The following CTNNB1 variants were observed in gnomAD, a reference collection of about 807,000 sequenced individuals.
The protein encoded by CTNNB1 is catenin beta 1.
A neutral mutation model predicts 82.5 loss-of-function variants in CTNNB1; 6 were observed. The observed-to-expected ratio is 0.07, with a 90% confidence interval of 0.04 to 0.14. The LOEUF is 0.14. Ranked by LOEUF, CTNNB1 falls within the 10% of genes least tolerant of loss-of-function variation. The probability of loss-of-function intolerance (pLI) is 1.00; values close to 1 mark genes in which losing one functional copy is unlikely to be tolerated. For missense variants in CTNNB1, 529 were observed against 980.4 expected (o/e 0.54, Z 6.15); for synonymous variants, 312 against 329.7 (o/e 0.95, Z 0.58).
At position 41,239,918 on chromosome 3, in the gene CTNNB1, T is replaced by TA. The variant is rs150512515; in HGVS notation, c.*579dup. 1,721 of 173,806 alleles carry TA rather than the reference T, an allele frequency of 9.9e-3. 8 individuals are homozygous for TA. The highest frequency in any genetic ancestry group is 0.014 in the Middle Eastern group (7 of 508). The allele number at this position is 173,806 out of a possible 1,614,324, so 10.8% of individuals were successfully genotyped here. On this transcript the variant is annotated 3_prime_UTR_variant, in exon 15 of 15. Transcript: ENST00000349496. ...TTTATCAAACCCTAGCCTTGCTTGT[T>TA]AAATTTTTTTTTTTTTTTTTTTAAG...
intron 10 of CTNNB1, chr3:41,235,522 G>T: frequency 1.5e-6 from 1 of 650,660 alleles, no homozygotes; most frequent in Admixed American, 2.2e-5. Flanking sequence ...GTGTATGGGG[G>T]AGGGGTGCTG....
chr3:41,238,588 A>C (rs769424043), intron 14 of CTNNB1: 16 of 194,178 alleles, frequency 8.2e-5, no homozygotes, highest in Admixed American at 8.0e-4. Flanking sequence ...CTACCTAATT[A>C]TGAAACCACT....
At chr3:41,233,943 A>G (rs766698957) in intron 9 of CTNNB1, 76 bp downstream of exon 9, 3 of 1,497,490 alleles carry the variant, frequency 2.0e-6, no homozygotes, top group East Asian at 4.5e-5. Context: ...ATGGCTGTCT[A>G]AGCATAGTGA....
At chr3:41,226,517 T>C (rs2078179617) in intron 6 of CTNNB1, among the ~76,000 whole-genome samples, 1 of 152,082 alleles carries the variant, frequency 6.6e-6, no homozygotes, top group Admixed American at 6.5e-5. Context: ...AACAACATCT[T>C]TGAAACGAAG....
chr3:41,201,142 A>G (rs954931979), intron 1 of CTNNB1, among the ~76,000 whole-genome samples: 1 of 152,198 alleles, frequency 6.6e-6, no homozygotes, highest in Admixed American at 6.5e-5. Flanking sequence ...TGGTGAACGA[A>G]CATTCAATAC....
At chr3:41,232,886 A>G (rs1329879933) in intron 7 of CTNNB1, among the ~76,000 whole-genome samples, 2 of 152,138 alleles carry the variant, frequency 1.3e-5, no homozygotes, top group African/African-American at 4.8e-5. Flanking sequence ...ATCATCTGAC[A>G]TACTGTATGG....
intron 1 of CTNNB1, among the ~76,000 whole-genome samples, chr3:41,203,181 C>G (rs1295576755): frequency 6.6e-6 from 1 of 151,514 alleles, no homozygotes; most frequent in Non-Finnish European, 1.5e-5. Context: ...GTTGAGTGCC[C>G]TCCAGTGGAT....
intron 14 of CTNNB1, among the ~76,000 whole-genome samples, chr3:41,238,805 C>T (rs542532016): frequency 6.6e-6 from 1 of 152,290 alleles, no homozygotes; most frequent in South Asian, 2.1e-4. Context: ...ACAGTAGATT[C>T]CTGCTTCTTC....
chr3:41,235,941 T>C (rs1196131411), intron 11 of CTNNB1, 98 bp downstream of exon 11: 5 of 1,381,722 alleles, frequency 3.6e-6, no homozygotes, highest in Non-Finnish European at 5.1e-6. Flanking sequence ...ATAATAGGGT[T>C]ACCAACATTT....
At chr3:41,211,722 C>A (rs2077791100) in intron 1 of CTNNB1, among the ~76,000 whole-genome samples, 1 of 152,162 alleles carries the variant, frequency 6.6e-6, no homozygotes, top group African/African-American at 2.4e-5. Flanking sequence ...TTATAGGCTG[C>A]ATCATATTCC....
intron 1 of CTNNB1, among the ~76,000 whole-genome samples, chr3:41,218,713 A>G (rs963004994): frequency 4.6e-5 from 7 of 152,134 alleles, no homozygotes; most frequent in Middle Eastern, 3.2e-3. Context: ...CAATTTTTAA[A>G]TAAGTTTTAA....
intron 1 of CTNNB1, among the ~76,000 whole-genome samples, chr3:41,204,425 T>A (rs1221669117): frequency 1.3e-5 from 2 of 152,230 alleles, no homozygotes; most frequent in Non-Finnish European, 1.5e-5. Flanking sequence ...CAAGATATGT[T>A]ACTAAGAATA....
chr3:41,205,780 A>T (rs904754536), intron 1 of CTNNB1, among the ~76,000 whole-genome samples: 1 of 152,200 alleles, frequency 6.6e-6, no homozygotes, highest in Non-Finnish European at 1.5e-5. Flanking sequence ...TCATCTGAAA[A>T]TAATGCTGTA....
At chr3:41,236,760 G>T in intron 13 of CTNNB1, 51 bp downstream of exon 13, 1 of 1,612,024 alleles carries the variant, frequency 6.2e-7, no homozygotes, top group South Asian at 1.1e-5. Flanking sequence ...GAGCAGGTAT[G>T]GCAGCTTGTT....
rs760214091 is a variant in CTNNB1 at position 41,228,657 on chromosome 3, C to A, written c.1081+1305C>A. ...TAGTTTGCCAGTACTTTCTCCCATGCCAGTACTTTCTCCCATTCTGTAGGT... is the reference window on the plus strand; with the variant it reads ...TAGTTTGCCAGTACTTTCTCCCATGACAGTACTTTCTCCCATTCTGTAGGT... On this transcript the variant is annotated intron_variant, in intron 7 of 14. Transcript: ENST00000349496. 2.1e-4 allele frequency among the ~76,000 whole-genome samples: 32 copies of A among 152,156 alleles called. 1 individual carries two copies. The highest frequency in any genetic ancestry group is 2.1e-4 in the Non-Finnish European group (14 of 68,020).
At chr3:41,208,709 TCTC>T (rs1170762908) in intron 1 of CTNNB1, among the ~76,000 whole-genome samples, 1 of 152,188 alleles carries the variant, frequency 6.6e-6, no homozygotes, top group Non-Finnish European at 1.5e-5. Flanking sequence ...TCCTTTATCT[TCTC>T]CTCTGTCACT....
At chr3:41,205,467 G>T (rs1328717966) in intron 1 of CTNNB1, among the ~76,000 whole-genome samples, 1 of 151,980 alleles carries the variant, frequency 6.6e-6, no homozygotes, top group African/African-American at 2.4e-5. Flanking sequence ...GGCTGGGGAG[G>T]GTGGATCACC....
Position 41,239,316 on chromosome 3 carries a change from C to T in CTNNB1, c.2320C>T (p.Leu774=), listed in dbSNP as rs4135386. The part of the protein sequence containing the change: ...DGLPPGDSNQ[L]AWFDTDL ...GCTGCCTCCAGGTGACAGCAATCAG[C>T]TGGCCTGGTTTGATACTGACCTGTA... Residue 774 remains leucine (L), a synonymous_variant, in exon 15 of 15, where the codon CTG becomes TTG. Transcript: ENST00000349496. The T allele has an allele frequency of 5.1e-3, 8,283 of 1,614,094 alleles. 23 individuals are homozygous for T. The highest frequency in any genetic ancestry group is 6.0e-3 in the Non-Finnish European group (7,135 of 1,179,994).
intron 1 of CTNNB1, among the ~76,000 whole-genome samples, chr3:41,211,902 G>A (rs1189000418): frequency 6.6e-6 from 1 of 152,208 alleles, no homozygotes; most frequent in Non-Finnish European, 1.5e-5. Flanking sequence ...CAACATGGTA[G>A]CCAGAGTAAC....
Sources: allele counts gnomAD v4.1 joint callset (sites outside exome capture counted in the v4.1 genomes callset), GRCh38; gene constraint gnomAD v4.1.1; transcripts MANE v1.5; gene names NCBI Gene and HGNC (gene_info 2026-07-23, HGNC 2026-07-21).